Variants in TPST2 observed in about 807,000 individuals in gnomAD.
TPST2 encodes tyrosylprotein sulfotransferase 2.
A neutral mutation model predicts 27.8 loss-of-function variants in TPST2; 16 were observed. The observed-to-expected ratio is 0.58, with a 90% CI of 0.39 to 0.88. The LOEUF (loss-of-function observed/expected upper bound fraction) is 0.88. Ranked by LOEUF, TPST2 falls within the 40% of genes least tolerant of loss-of-function variation. The probability of loss-of-function intolerance (pLI) is 0.00; values close to 1 mark genes in which losing one functional copy is unlikely to be tolerated. For synonymous variants in TPST2, 229 were observed against 231.7 expected (o/e 0.99, Z 0.10); for missense variants, 464 against 543.1 (o/e 0.85, Z 1.45).
chr22:26,541,070 G>A lies in TPST2; in HGVS notation c.561C>T (p.Ala187=). 3 of 1,612,046 alleles carry A rather than the reference G, an allele frequency of 1.9e-6. No individual in the cohort carries two copies. The highest frequency in any genetic ancestry group is 2.5e-6 in the Non-Finnish European group (3 of 1,178,642). ...TGCGCGTGATCATGGAGTGCACGGA[G>A]GCCCGGCCGTCCCGCACCATCAGCA... is the stretch of plus-strand genomic sequence containing the variant. The part of the protein sequence containing the change: ...KFLLMVRDGR[A]SVHSMITRKV... Residue 187 remains alanine, a synonymous_variant, in exon 3 of 7, where the codon GCC becomes GCT. Transcript: ENST00000338754. The surrounding 1 kb of genome is among the most constrained non-coding windows in gnomAD (Gnocchi z 5.9).
chr22:26,538,830 AAAC>A (rs1349983930), intron 3 of TPST2, among the ~76,000 whole-genome samples: 5 of 152,320 alleles, frequency 3.3e-5, no homozygotes, highest in Admixed American at 6.5e-5. Context: ...CTCAACAACA[AAAC>A]AACAACAAAA....
At position 26,541,996 on chromosome 22, in the gene TPST2, A is replaced by G. The variant is rs1179675068; in HGVS notation, c.-88-278T>C. Among the ~76,000 whole-genome samples the G allele has an allele frequency of 6.6e-6, 1 of 152,094 alleles. No individual in the cohort carries two copies. Among genetic ancestry groups the G allele is most frequent in the African/African-American group, 2.4e-5 (1 of 41,410 alleles). The stretch of plus-strand genomic sequence containing the variant: ...CTGTCTCCCAAAGTGATGGGATTAC[A>G]GGCATGAGCCACCCGGTCCAGCGGA... On this transcript the variant is annotated intron_variant, in intron 2 of 6. Coordinates refer to ENST00000338754, the MANE Select transcript of TPST2 (RefSeq NM_003595.5). The surrounding 1 kb of genome is among the most constrained non-coding windows in gnomAD (Gnocchi z 5.9).
intron 1 of TPST2, among the ~76,000 whole-genome samples, chr22:26,586,165 G>C (rs1928341337): frequency 6.6e-6 from 1 of 152,158 alleles, no homozygotes; most frequent in Non-Finnish European, 1.5e-5. Context: ...CTGACACCCA[G>C]AGAGCGGCAG....
chr22:26,586,621 T>A (rs920356606), intron 1 of TPST2, among the ~76,000 whole-genome samples: 14 of 152,076 alleles, frequency 9.2e-5, no homozygotes, highest in Non-Finnish European at 1.9e-4. Context: ...CAAAAAAGAA[T>A]AAAGTCACGA....
intron 1 of TPST2, among the ~76,000 whole-genome samples, chr22:26,562,527 A>G (rs904246048): frequency 5.3e-5 from 8 of 152,162 alleles, no homozygotes; most frequent in Non-Finnish European, 1.5e-5. Context: ...CTTTGGAGTA[A>G]AAGATCCAAT....
Position 26,541,616 on chromosome 22 carries a change from C to A in TPST2, c.15G>T (p.Val5=), listed in dbSNP as rs755940766. 1 of 1,581,192 alleles carries A rather than the reference C, an allele frequency of 6.3e-7. No homozygotes were observed. The highest frequency in any genetic ancestry group is 8.6e-7 in the Non-Finnish European group (1 of 1,168,330). Residue 5 remains valine (V), a synonymous_variant, in exon 3 of 7, where the codon GTG becomes GTT. Coordinates refer to ENST00000338754, the MANE Select transcript of TPST2 (RefSeq NM_003595.5). The surrounding 1 kb of genome is among the most constrained non-coding windows in gnomAD (Gnocchi z 5.9). MRLS[V]RRVLLAAGCA... ...AGCCGGCTGCCAGCAGCACCCTCCG[C>A]ACCGACAGGCGCATGCTGGGCCGGA...
intron 4 of TPST2, among the ~76,000 whole-genome samples, chr22:26,534,469 G>A (rs891079568): frequency 5.3e-5 from 8 of 152,350 alleles, no homozygotes; most frequent in Non-Finnish European, 1.2e-4. Context: ...GCTCCAAAGA[G>A]TTGATGTTAA....
At chr22:26,561,573 T>C (rs1927098052) in intron 1 of TPST2, among the ~76,000 whole-genome samples, 2 of 148,496 alleles carry the variant, frequency 1.3e-5, no homozygotes, top group East Asian at 2.0e-4. Context: ...AGCTGTTTTG[T>C]TGACATTCTG....
At chr22:26,569,331 G>A (rs991253219) in intron 1 of TPST2, among the ~76,000 whole-genome samples, 1 of 152,192 alleles carries the variant, frequency 6.6e-6, no homozygotes, top group Non-Finnish European at 1.5e-5. Flanking sequence ...TAACTGCAGG[G>A]GGAGCAAGGT....
chr22:26,536,052 G>A (rs1261012271), intron 4 of TPST2: 1 of 685,272 alleles, frequency 1.5e-6, no homozygotes. Context: ...AAGCTGGCCT[G>A]CTGTTAGATG....
chr22:26,557,338 T>C (rs1478782781), intron 1 of TPST2, among the ~76,000 whole-genome samples: 4 of 152,182 alleles, frequency 2.6e-5, no homozygotes, highest in Non-Finnish European at 5.9e-5. Context: ...CAGCATCACC[T>C]CCACTCTCTG....
intron 4 of TPST2, chr22:26,535,817 C>T: frequency 3.1e-6 from 1 of 317,972 alleles, no homozygotes; most frequent in South Asian, 2.7e-5. Context: ...CCTTCACCAT[C>T]TTAACTAAGG....
intron 5 of TPST2, among the ~76,000 whole-genome samples, 198 bp downstream of exon 5, chr22:26,532,497 T>C (rs1925222844): frequency 6.6e-6 from 1 of 152,180 alleles, no homozygotes. Flanking sequence ...GTCAGGCTGG[T>C]CTTGAACTCC....
intron 1 of TPST2, chr22:26,555,172 C>T (rs1235932377): frequency 3.7e-6 from 2 of 533,488 alleles, no homozygotes; most frequent in South Asian, 1.4e-5. Flanking sequence ...TTAACAAGCG[C>T]TGCCCCTTGC....
chr22:26,586,104 C>A (rs1928338427), intron 1 of TPST2, among the ~76,000 whole-genome samples: 1 of 152,082 alleles, frequency 6.6e-6, no homozygotes. Context: ...TCCCAAGGCA[C>A]CACCACATCT....
At chr22:26,537,262 G>A (rs985424367) in intron 3 of TPST2, among the ~76,000 whole-genome samples, 1 of 152,150 alleles carries the variant, frequency 6.6e-6, no homozygotes, top group African/African-American at 2.4e-5. Flanking sequence ...AGCAAACCAG[G>A]GAGCCAGATT....
At chr22:26,562,869 C>A (rs577790574) in intron 1 of TPST2, among the ~76,000 whole-genome samples, 1 of 152,082 alleles carries the variant, frequency 6.6e-6, no homozygotes, top group Non-Finnish European at 1.5e-5. Flanking sequence ...GTGATCTGCC[C>A]GCCTCGGCCT....
intron 1 of TPST2, among the ~76,000 whole-genome samples, chr22:26,552,275 CA>C (rs1364285508): frequency 6.6e-6 from 1 of 152,170 alleles, no homozygotes; most frequent in Non-Finnish European, 1.5e-5. Context: ...CAGGTGGGAT[CA>C]GGGGTGACTT....
chr22:26,568,682 G>T (rs1244113005), intron 1 of TPST2, among the ~76,000 whole-genome samples: 1 of 152,102 alleles, frequency 6.6e-6, no homozygotes, highest in Non-Finnish European at 1.5e-5. Context: ...CTAAAAAGGT[G>T]AGGAACCCTC....
Sources: allele counts gnomAD v4.1 joint callset (sites outside exome capture counted in the v4.1 genomes callset), GRCh38; gene constraint gnomAD v4.1.1; non-coding constraint Gnocchi (gnomAD v3.1); transcripts MANE v1.5; gene names NCBI Gene and HGNC (gene_info 2026-07-23, HGNC 2026-07-21).